UBN1: variants seen among roughly 807,000 people sequenced by gnomAD.
The protein encoded by UBN1 is ubinuclein-1.
UBN1 carries 17 observed loss-of-function variants against 108.5 expected under a neutral mutation model. The observed-to-expected ratio is 0.16, with a 90% CI of 0.11 to 0.24. The LOEUF is 0.24. UBN1 is among the 10% of genes least tolerant of loss of function. The pLI is 1.00. For missense variants in UBN1, 1,595 were observed against 1,394.4 expected (o/e 1.14, Z -2.29); for synonymous variants, 726 against 564.2 (o/e 1.29, Z -4.07).
intron 2 of UBN1, 104 bp downstream of exon 2, chr16:4,853,270 G>C (rs2086639459): frequency 1.4e-6 from 2 of 1,470,800 alleles, no homozygotes; most frequent in African/African-American, 2.8e-5. Flanking sequence ...CTGAGGTTTT[G>C]GCTGCCCCAA....
chr16:4,875,230 C>G lies in UBN1; in HGVS notation c.2820C>G (p.Pro940=). The change falls in exon 15 of 18, where the codon CCC becomes CCG. Residue 940 remains proline, a synonymous_variant. Coordinates refer to ENST00000262376, the MANE Select transcript of UBN1 (RefSeq NM_001079514.3). ...SGSLVPGIQP[P]SVGQATSRPV... Reference sequence around the variant, plus strand: ...GCCTGGTCCCTGGCATACAGCCTCCCTCCGTGGGACAGGCCACCAGCCGAC... The same window carrying G: ...GCCTGGTCCCTGGCATACAGCCTCCGTCCGTGGGACAGGCCACCAGCCGAC... 1 of 1,614,212 alleles carries G rather than the reference C, an allele frequency of 6.2e-7. No individual in the cohort carries two copies. The highest frequency in any genetic ancestry group is 1.1e-5 in the South Asian group (1 of 91,088).
intron 17 of UBN1, among the ~76,000 whole-genome samples, chr16:4,878,964 G>A (rs927451096): frequency 2.0e-5 from 3 of 152,214 alleles, no homozygotes; most frequent in Non-Finnish European, 4.4e-5. Flanking sequence ...GCGAGCCGTG[G>A]TCATGCTACT....
intron 4 of UBN1, 47 bp from the exon 5 acceptor site, chr16:4,858,978 A>G (rs757599717): frequency 2.5e-6 from 4 of 1,602,648 alleles, no homozygotes; most frequent in Non-Finnish European, 3.4e-6. Context: ...GCACCTTCGG[A>G]CTGCAGAAGC....
At chr16:4,855,523 G>A (rs2086764280) in intron 2 of UBN1, among the ~76,000 whole-genome samples, 1 of 151,400 alleles carries the variant, frequency 6.6e-6, no homozygotes, top group Admixed American at 6.6e-5. Flanking sequence ...AGCTGAGGTG[G>A]GAGGATTGCT....
intron 6 of UBN1, 29 bp downstream of exon 6, chr16:4,859,997 T>C (rs2086984981): frequency 3.1e-6 from 5 of 1,613,434 alleles, no homozygotes; most frequent in Non-Finnish European, 4.2e-6. Flanking sequence ...TTTGCTAGGA[T>C]AAAGCCTGAA....
At chr16:4,856,484 C>T (rs1028994246) in intron 2 of UBN1, among the ~76,000 whole-genome samples, 1 of 152,200 alleles carries the variant, frequency 6.6e-6, no homozygotes, top group African/African-American at 2.4e-5. Context: ...GTACCAGCCT[C>T]AAAACAAACA....
intron 7 of UBN1, 62 bp from the exon 8 acceptor site, chr16:4,868,771 G>A: frequency 1.3e-6 from 2 of 1,547,162 alleles, no homozygotes; most frequent in South Asian, 1.1e-5. Context: ...GTGCCTGTGG[G>A]TGAGCGTAAG....
Position 4,868,876 on chromosome 16 carries a change from C to T in UBN1, c.1154C>T (p.Thr385Ile). The T allele has an allele frequency of 6.2e-7, 1 of 1,613,892 alleles. No individual in the cohort carries two copies. The highest frequency in any genetic ancestry group is 8.5e-7 in the Non-Finnish European group (1 of 1,179,880). The part of the protein sequence containing the change: ...AEGESRQKFF[T>I]QDINGILLDI... ...GGGGAGAGCAGACAGAAGTTCTTCA[C>T]CCAGGATATTAATGGAATCCTATTA... The change falls in exon 8 of 18, where the codon ACC becomes ATC. Residue 385 changes from threonine to isoleucine, a missense_variant. Thr to Ile is a moderately conservative substitution (Grantham distance 89, BLOSUM62 -1). This residue lies in a region of UBN1 where 1,398 missense variants were observed against 1,194.7 expected (regional missense o/e 1.17). Transcript: ENST00000262376.
At position 4,861,070 on chromosome 16, in the gene UBN1, C is replaced by A. The variant is rs761631030; in HGVS notation, c.1078C>A (p.Pro360Thr). 1.2e-6 allele frequency: 2 copies of A among 1,613,794 alleles called. No individual in the cohort carries two copies. Among genetic ancestry groups the A allele is most frequent in the Non-Finnish European group, 8.5e-7 (1 of 1,179,984 alleles). ...PSSLPEGLPA[P>T]LEKRVKELAQ... Reference sequence around the variant, plus strand: ...TTCTCTCCCCGAAGGCCTGCCAGCACCCCTGGAGAAGCGCGTTAAGGAGCT... The same window carrying A: ...TTCTCTCCCCGAAGGCCTGCCAGCAACCCTGGAGAAGCGCGTTAAGGAGCT... The change falls in exon 7 of 18, where the codon CCC becomes ACC. Residue 360 changes from proline (P) to threonine (T), a missense_variant. Coordinates refer to ENST00000262376, the MANE Select transcript of UBN1 (RefSeq NM_001079514.3).
At chr16:4,863,547 C>G (rs1158201442) in intron 7 of UBN1, among the ~76,000 whole-genome samples, 2 of 151,976 alleles carry the variant, frequency 1.3e-5, no homozygotes, top group African/African-American at 4.8e-5. Flanking sequence ...TAAAGTAAAC[C>G]TGATGTATGT....
intron 17 of UBN1, among the ~76,000 whole-genome samples, chr16:4,879,746 G>T (rs1265166650): frequency 6.6e-6 from 1 of 152,216 alleles, no homozygotes. Flanking sequence ...GATCATTGCT[G>T]CCTTGAGTTC....
At chr16:4,859,203 G>A (rs369675808) in intron 5 of UBN1, 44 bp downstream of exon 5, 15 of 1,599,000 alleles carry the variant, frequency 9.4e-6, no homozygotes, top group South Asian at 4.5e-5. Flanking sequence ...GCTTTTTGAC[G>A]TGACCCTATC....
intron 15 of UBN1, among the ~76,000 whole-genome samples, chr16:4,876,614 G>T (rs928414064): frequency 1.3e-5 from 2 of 151,764 alleles, no homozygotes; most frequent in East Asian, 3.9e-4. Flanking sequence ...TGCAACCTCT[G>T]TAGGAGACAT....
rs1431136551 is a variant in UBN1, at chr16:4,874,417, A to G, written c.2007A>G (p.Pro669=). The change falls in exon 15 of 18, where the codon CCA becomes CCG. Residue 669 remains proline (P), a synonymous_variant. Transcript: ENST00000262376. ...DSLDEDLIRN[P]ASSVEAVSKE... ...TGGATGAAGACTTGATCCGCAATCC[A>G]GCCTCCTCGGTGGAAGCCGTGTCCA... 1.2e-5 allele frequency: 20 copies of G among 1,613,608 alleles called. No individual in the cohort carries two copies. The East Asian group carries it at 4.2e-4, about 34-fold the overall frequency.
rs2086933630 is a variant in UBN1 at position 4,859,021 on chromosome 16, T to C, written c.433-4T>C. On this transcript the variant is annotated splice_region_variant and splice_polypyrimidine_tract_variant and intron_variant, in intron 4 of 17. Coordinates refer to ENST00000262376, the MANE Select transcript of UBN1 (RefSeq NM_001079514.3). ...GGAGCTGACAGTTTGTTTCCCATCT[T>C]CAGTATGATGAGCTTGTTCCTGCTT... 1.2e-6 allele frequency: 2 copies of C among 1,611,760 alleles called. No individual in the cohort carries two copies. Among genetic ancestry groups the C allele is most frequent in the Non-Finnish European group, 1.7e-6 (2 of 1,179,456 alleles).
intron 3 of UBN1, among the ~76,000 whole-genome samples, chr16:4,858,306 G>A (rs2086902030): frequency 6.6e-6 from 1 of 152,172 alleles, no homozygotes; most frequent in Non-Finnish European, 1.5e-5. Context: ...GCCTGTGGTC[G>A]CCTTAGAAGA....
rs2087606806 is a variant in UBN1 at position 4,871,036 on chromosome 16, C to T, written c.1559+64C>T. On this transcript the variant is annotated intron_variant, in intron 11 of 17. Transcript: ENST00000262376. ...GTGGGGCAGTGTCTGAGCACGTCCC[C>T]TATTGCTGACAAAGGTTAGGCTCAT... The T allele has an allele frequency of 7.5e-6, 12 of 1,606,260 alleles. No individual in the cohort carries two copies. The Admixed American group carries it at 2.0e-4, about 27-fold the overall frequency.
chr16:4,879,967 C>A, intron 17 of UBN1, 116 bp from the exon 18 acceptor site: 1 of 1,100,514 alleles, frequency 9.1e-7, no homozygotes, highest in Middle Eastern at 2.0e-4. Context: ...CTAGAACACT[C>A]AGCATTTGGG....
At position 4,875,232 on chromosome 16, in the gene UBN1, C is replaced by G; in HGVS notation, c.2822C>G (p.Ser941Cys). 6.2e-7 allele frequency: 1 copy of G among 1,614,222 alleles called. No homozygotes were observed. Among genetic ancestry groups the G allele is most frequent in the African/African-American group, 1.3e-5 (1 of 75,050 alleles). Residue 941 changes from serine (S) to cysteine (C), a missense_variant, in exon 15 of 18, where the codon TCC becomes TGC. By Grantham distance (112) the Ser-to-Cys change is moderately radical. Around this residue, in one of 3 missense-constraint regions of UBN1, gnomAD observed 1,398 missense variants for 1,194.7 expected, o/e 1.17. Coordinates refer to ENST00000262376, the MANE Select transcript of UBN1 (RefSeq NM_001079514.3). ...CTGGTCCCTGGCATACAGCCTCCCT[C>G]CGTGGGACAGGCCACCAGCCGACCC... Reference protein sequence around the residue: ...GSLVPGIQPPSVGQATSRPVP... With the variant: ...GSLVPGIQPPCVGQATSRPVP...
Sources: gnomAD v4.1 joint callset for allele counts (sites outside exome capture counted in the v4.1 genomes callset) on GRCh38, gnomAD v4.1.1 for gene constraint, gnomAD v4.1.1 regional missense constraint, MANE v1.5 for transcripts, NCBI Gene and HGNC (gene_info 2026-07-23, HGNC 2026-07-21) for gene names.